ZNF99: variants seen among roughly 807,000 people sequenced by gnomAD.
ZNF99 encodes the protein zinc finger protein 99.
In ZNF99, 8 loss-of-function variants were observed where a neutral mutation model predicts 12.8. That is an observed-to-expected ratio of 0.62 (90% CI 0.37 to 1.13). The LOEUF is 1.13. ZNF99 is among the 50% of genes most tolerant of loss of function. The pLI, the probability that ZNF99 is intolerant of heterozygous loss-of-function variation, is 0.02. For synonymous variants in ZNF99, 318 were observed against 319.0 expected, an observed-to-expected ratio of 1.00 and a Z score of 0.03; for missense variants, 1,007 against 1,006.2, an observed-to-expected ratio of 1.00 and a Z score of -0.01.
In ZNF99 at chr19:22,752,408, G is replaced by A. The variant is rs1308242695; in HGVS notation, c.*4906C>T. The A allele has an allele frequency of 1.3e-5, 2 of 151,314 alleles. No individual in the cohort carries two copies. Among genetic ancestry groups the A allele is most frequent in the Non-Finnish European group, 2.9e-5 (2 of 67,886 alleles). 9.4% of individuals were successfully genotyped at this position (151,314 alleles called of 1,614,324 possible). A position where few individuals can be genotyped will look rare whatever the true frequency, so the allele number is the denominator to read the frequency against. ...GCTGGTATCAAAATATGCTATATAT[G>A]GCAGAAATATATCTACACACTATGT... is the stretch of plus-strand genomic sequence containing the variant. On this transcript the variant is annotated 3_prime_UTR_variant, in exon 4 of 4. Transcript: ENST00000596209.
intron 3 of ZNF99, among the ~76,000 whole-genome samples, chr19:22,763,099 C>A (rs7257092): frequency 0.35 from 53,364 of 151,636 alleles, 9,903 homozygotes; most frequent in African/African-American, 0.5. Context: ...CACTTTCACC[C>A]CACTTCTTCA....
At chr19:22,773,753 T>G (rs1183241767) in intron 1 of ZNF99, 1 of 152,172 alleles carries the variant, frequency 6.6e-6, no homozygotes, top group East Asian at 1.9e-4. Context: ...GCTGGTGTCC[T>G]CTCTTGACCC....
intron 1 of ZNF99, among the ~76,000 whole-genome samples, chr19:22,771,714 CTTTTTTTT>C (rs34457637): frequency 1.1e-5 from 1 of 91,142 alleles, no homozygotes. Flanking sequence ...ACAGGTGAAA[CTTTTTTTT>C]TTTTTTTTTT....
chr19:22,774,310 C>A (rs11085543), intron 1 of ZNF99: 22,583 of 150,970 alleles, frequency 0.15, 1,732 homozygotes, highest in East Asian at 0.18. Context: ...GGGGCATATT[C>A]TCAGCAGAAT....
chr19:22,764,999 GA>G (rs1449210429), intron 3 of ZNF99, among the ~76,000 whole-genome samples: 1 of 152,058 alleles, frequency 6.6e-6, no homozygotes, highest in Non-Finnish European at 1.5e-5. Context: ...CTACTCAGAG[GA>G]AAAGAAGTCA....
At chr19:22,768,725 T>G (rs35228547) in intron 2 of ZNF99, among the ~76,000 whole-genome samples, 53,508 of 151,834 alleles carry the variant, frequency 0.35, 9,961 homozygotes, top group African/African-American at 0.5. Flanking sequence ...AGGTAAAAAT[T>G]AAACATCTTT....
rs1245417415 is a variant in ZNF99 at position 22,755,141 on chromosome 19, T to C, written c.*2173A>G. On this transcript the variant is annotated 3_prime_UTR_variant, in exon 4 of 4. Transcript: ENST00000596209. ...TCACATTTGTAGGGTTTCTCTCCCA[T>C]TGAATTATGTTGTTTAGCAAGAGTT... is the stretch of plus-strand genomic sequence containing the variant. The C allele has an allele frequency of 2.3e-5, 5 of 216,226 alleles. No individual in the cohort carries two copies. The highest frequency in any genetic ancestry group is 4.7e-5 in the African/African-American group (2 of 42,482). The allele number at this position is 216,226 out of a possible 1,614,324, so 13.4% of individuals were successfully genotyped here.
chr19:22,781,689 C>G (rs1030094246), intron 1 of ZNF99, among the ~76,000 whole-genome samples: 3 of 152,046 alleles, frequency 2.0e-5, no homozygotes, highest in African/African-American at 7.2e-5. Flanking sequence ...GACCTCTCAA[C>G]CCCAGGGCAT....
In ZNF99 at chr19:22,784,144, A is replaced by G. The variant is rs994821562; in HGVS notation, c.-128T>C. 1.9e-6 allele frequency: 2 copies of G among 1,028,958 alleles called. No homozygotes were observed. Among genetic ancestry groups the G allele is most frequent in the Non-Finnish European group, 2.8e-6 (2 of 705,542 alleles). The allele number at this position is 1,028,958 out of a possible 1,614,324, so 63.7% of individuals were successfully genotyped here. On this transcript the variant is annotated 5_prime_UTR_variant, in exon 1 of 4. Coordinates refer to ENST00000596209, the MANE Select transcript of ZNF99 (RefSeq NM_001080409.3). ...TCCGGAGCTCCAGCTGGAACCAGAAACAACGGCCCCGCCACATCCCACAAG... is the reference window on the plus strand; with the variant it reads ...TCCGGAGCTCCAGCTGGAACCAGAAGCAACGGCCCCGCCACATCCCACAAG...
chr19:22,760,613 G>A (rs1251814738), intron 3 of ZNF99, among the ~76,000 whole-genome samples: 2 of 151,872 alleles, frequency 1.3e-5, no homozygotes, highest in African/African-American at 4.8e-5. Flanking sequence ...GTGTGGTGGC[G>A]GGCATCTGTA....
chr19:22,783,002 G>A (rs549869485), intron 1 of ZNF99, among the ~76,000 whole-genome samples: 3 of 152,076 alleles, frequency 2.0e-5, no homozygotes, highest in East Asian at 3.9e-4. Context: ...TAATTCGGCC[G>A]GACGCGGTGG....
In ZNF99 at chr19:22,754,365, T is replaced by TAAA. The variant is rs748213951; in HGVS notation, c.*2948_*2949insTTT. The TAAA allele has an allele frequency of 2.4e-5, 9 of 371,476 alleles. No homozygotes were observed. Among genetic ancestry groups the TAAA allele is most frequent in the African/African-American group, 7.1e-5 (3 of 42,400 alleles). The allele number at this position is 371,476 out of a possible 1,614,324, so 23.0% of individuals were successfully genotyped here. On this transcript the variant is annotated 3_prime_UTR_variant, in exon 4 of 4. Transcript: ENST00000596209. ...TTGGGCGACAGAGTGAGACTCCATT[T>TAAA]CAAAAAAAAAAAAAAAACTTTGCCA...
intron 2 of ZNF99, 98 bp from the exon 3 acceptor site, chr19:22,768,498 C>A: frequency 1.1e-6 from 1 of 933,060 alleles, no homozygotes; most frequent in Non-Finnish European, 1.5e-6. Flanking sequence ...TAAATTGATC[C>A]CTCAATACTA....
intron 1 of ZNF99, among the ~76,000 whole-genome samples, chr19:22,782,946 G>A (rs1973406129): frequency 6.6e-6 from 1 of 152,014 alleles, no homozygotes; most frequent in Admixed American, 6.5e-5. Flanking sequence ...GGGATTACAG[G>A]TGTAAGCCAC....
In ZNF99 at chr19:22,752,627, T is replaced by C. The variant is rs1227023075; in HGVS notation, c.*4687A>G. 1 of 152,102 alleles carries C rather than the reference T, an allele frequency of 6.6e-6. No individual in the cohort carries two copies. Among genetic ancestry groups the C allele is most frequent in the Non-Finnish European group, 1.5e-5 (1 of 67,992 alleles). 9.4% of individuals were successfully genotyped at this position (152,102 alleles called of 1,614,324 possible). On this transcript the variant is annotated 3_prime_UTR_variant, in exon 4 of 4. Transcript: ENST00000596209. ...CTTACCAAATAGTAAACTGTTGCCA[T>C]CTCTTACCTACACCCTTGAGTAAGG...
In ZNF99 at chr19:22,753,422, AC is replaced by A. The variant is rs1972999107; in HGVS notation, c.*3891del. ...AATATTTTTCATATTTACTGCATCTACAAAAAAAACTTACTCTGTTTTCTAA... is the reference window on the plus strand; with the variant it reads ...AATATTTTTCATATTTACTGCATCTAAAAAAAAACTTACTCTGTTTTCTAA... On this transcript the variant is annotated 3_prime_UTR_variant, in exon 4 of 4. Transcript: ENST00000596209. 6.8e-6 allele frequency: 1 copy of A among 147,568 alleles called. No homozygotes were observed. 9.1% of individuals were successfully genotyped at this position (147,568 alleles called of 1,614,324 possible).
chr19:22,776,426 T>G (rs1274284158), intron 1 of ZNF99, among the ~76,000 whole-genome samples: 9 of 27,910 alleles, frequency 3.2e-4, no homozygotes, highest in South Asian at 9.9e-4. Flanking sequence ...TATATATATA[T>G]ATATATATAT....
chr19:22,766,477 T>G (rs577833247), intron 3 of ZNF99, among the ~76,000 whole-genome samples: 1 of 151,636 alleles, frequency 6.6e-6, no homozygotes, highest in East Asian at 2.0e-4. Flanking sequence ...CAGCTAGGAC[T>G]ACAGGCACGT....
At chr19:22,783,319 T>A (rs76919499) in intron 1 of ZNF99, among the ~76,000 whole-genome samples, 1 of 57,880 alleles carries the variant, frequency 1.7e-5, no homozygotes, top group Non-Finnish European at 3.0e-5. Flanking sequence ...TTCAAGTGCT[T>A]TTTTTTTTGT....
Sources: allele counts gnomAD v4.1 joint callset (sites outside exome capture counted in the v4.1 genomes callset), GRCh38; gene constraint gnomAD v4.1.1; transcripts MANE v1.5; gene names NCBI Gene and HGNC (gene_info 2026-07-23, HGNC 2026-07-21).